WDR47: variants seen among roughly 807,000 people sequenced by gnomAD.
WDR47 encodes the protein WD repeat domain 47.
Under a neutral mutation model 97.2 loss-of-function variants are expected in WDR47, and 32 were observed. That is an observed-to-expected ratio of 0.33 (90% CI 0.25 to 0.44). WDR47 has a LOEUF of 0.44. Ranked by LOEUF, WDR47 falls within the 20% of genes least tolerant of loss-of-function variation. The pLI, the probability that WDR47 is intolerant of heterozygous loss-of-function variation, is 1.00. For synonymous variants in WDR47, 375 were observed against 373.5 expected (o/e 1.00, Z -0.05); for missense variants, 782 against 1,102.3 (o/e 0.71, Z 4.11).
At chr1:108,976,556 A>T (rs575033123) in intron 13 of WDR47, among the ~76,000 whole-genome samples, 17 of 152,202 alleles carry the variant, frequency 1.1e-4, no homozygotes, top group Non-Finnish European at 2.1e-4. Flanking sequence ...TTCTGAAAAT[A>T]AAACAGGTAT....
intron 13 of WDR47, among the ~76,000 whole-genome samples, chr1:108,977,449 C>T (rs1294697423): frequency 2.6e-5 from 4 of 152,274 alleles, no homozygotes; most frequent in East Asian, 1.9e-4. Context: ...CCACCACACC[C>T]GGCCAGGTGC....
intron 14 of WDR47, among the ~76,000 whole-genome samples, chr1:108,973,865 A>C (rs1657670475): frequency 6.9e-6 from 1 of 145,464 alleles, no homozygotes; most frequent in African/African-American, 2.6e-5. Context: ...CCTGGGTGAA[A>C]GAGTGAGACC....
intron 3 of WDR47, among the ~76,000 whole-genome samples, chr1:109,016,100 T>G (rs1661399812): frequency 1.3e-5 from 2 of 151,842 alleles, no homozygotes; most frequent in African/African-American, 4.8e-5. Context: ...CAGAAGGCTG[T>G]AGCTTGAAAA....
At chr1:109,016,325 C>A (rs982309618) in intron 3 of WDR47, among the ~76,000 whole-genome samples, 1 of 151,990 alleles carries the variant, frequency 6.6e-6, no homozygotes, top group Non-Finnish European at 1.5e-5. Context: ...ATCACTTGAG[C>A]CCAGGAGGTA....
At chr1:109,018,359 C>G (rs1345763181) in intron 2 of WDR47, among the ~76,000 whole-genome samples, 3 of 151,232 alleles carry the variant, frequency 2.0e-5, no homozygotes, top group African/African-American at 7.3e-5. Context: ...AAGCTTGAAC[C>G]TGGGCGGCAG....
Position 109,011,464 on chromosome 1 carries a change from T to C in WDR47, c.582A>G (p.Leu194=). 6.2e-7 allele frequency: 1 copy of C among 1,614,184 alleles called. No homozygotes were observed. Among genetic ancestry groups the C allele is most frequent in the African/African-American group, 1.3e-5 (1 of 75,042 alleles). Residue 194 remains leucine (L), a synonymous_variant, in exon 5 of 15, where the codon TTA becomes TTG. Transcript: ENST00000369962. ...GCAGGCCTTTCATTACAAGCTGAAA[T>C]AAACGATTGTTACTAGCCTTAAAAC... is the stretch of plus-strand genomic sequence containing the variant. The part of the protein sequence containing the change: ...EAGFKASNNR[L]FQLVMKGLLY...
intron 1 of WDR47, among the ~76,000 whole-genome samples, chr1:109,023,781 GA>G (rs1336542828): frequency 1.3e-5 from 2 of 152,100 alleles, no homozygotes; most frequent in African/African-American, 4.8e-5. Flanking sequence ...TGATTTACAT[GA>G]AAATAATAGA....
chr1:108,971,680 C>T, intron 14 of WDR47, 108 bp from the exon 15 acceptor site: 1 of 1,201,178 alleles, frequency 8.3e-7, no homozygotes, highest in East Asian at 2.5e-5. Context: ...TCTTAAACTA[C>T]ATTAATATAA....
Position 108,998,589 on chromosome 1 carries a change from G to A in WDR47, c.1434-2752C>T, listed in dbSNP as rs140562320. 2.4e-3 allele frequency among the ~76,000 whole-genome samples: 365 copies of A among 152,170 alleles called. 3 individuals carry two copies. Among genetic ancestry groups the A allele is most frequent in the African/African-American group, 8.3e-3 (344 of 41,528 alleles). On this transcript the variant is annotated intron_variant, in intron 7 of 14. Transcript: ENST00000369962. ...AAGAGGCTGAATACGCCTATTAATT[G>A]TCAAATCAATGGTGCCAATTATTAG...
rs993849037 is a variant in WDR47 at position 109,011,781 on chromosome 1, C to T, written c.328-63G>A. ...AAAAACATGCTATGAAATATGAAAA[C>T]GACAAGAGTACAAAGAATAAATTAT... On this transcript the variant is annotated intron_variant, in intron 4 of 14. Coordinates refer to ENST00000369962, the MANE Select transcript of WDR47 (RefSeq NM_001142551.2). 190 of 1,427,134 alleles carry T rather than the reference C, an allele frequency of 1.3e-4. No homozygotes were observed. In the South Asian group the frequency reaches 1.4e-3, roughly 11 times the overall value. The allele number at this position is 1,427,134 out of a possible 1,614,324, so 88.4% of individuals were successfully genotyped here.
chr1:108,993,325 CA>C (rs35638565), intron 8 of WDR47, among the ~76,000 whole-genome samples: 497 of 123,398 alleles, frequency 4.0e-3, no homozygotes, highest in African/African-American at 8.8e-3. Flanking sequence ...GACACTGTCT[CA>C]AAAAAAAAAA....
In WDR47 at chr1:108,974,652, A is replaced by T; in HGVS notation, c.2501T>A (p.Met834Lys). ...GGAATGAGGATGATAACTTTGTACC[A>T]TTCTTCCTCCTCTTATGTCATACAA... ...CMLYDIRGGRMVQSYHPHSSD... is the reference protein window; with the variant it reads ...CMLYDIRGGRKVQSYHPHSSD... Residue 834 changes from methionine (M) to lysine (K), a missense_variant, in exon 14 of 15, where the codon ATG (methionine) becomes AAG (lysine). By Grantham distance (95) the Met-to-Lys change is moderately conservative. Transcript: ENST00000369962. 6.2e-7 allele frequency: 1 copy of T among 1,614,112 alleles called. No individual in the cohort carries two copies. Among genetic ancestry groups the T allele is most frequent in the Non-Finnish European group, 8.5e-7 (1 of 1,180,004 alleles).
intron 1 of WDR47, among the ~76,000 whole-genome samples, chr1:109,025,387 T>TA (rs1351971820): frequency 7.3e-6 from 1 of 137,108 alleles, no homozygotes; most frequent in Non-Finnish European, 1.5e-5. Context: ...GCGGTGATCA[T>TA]ACCACTGCAC....
At chr1:108,975,307 T>C (rs568875257) in intron 13 of WDR47, among the ~76,000 whole-genome samples, 23 of 151,536 alleles carry the variant, frequency 1.5e-4, no homozygotes, top group Non-Finnish European at 2.5e-4. Context: ...TATAAATTAT[T>C]ATAATTAATA....
chr1:109,030,126 A>C (rs1243232269), intron 1 of WDR47: 1 of 1,188,710 alleles, frequency 8.4e-7, no homozygotes, highest in East Asian at 2.5e-5. Context: ...GAAACACAAG[A>C]AGAAACGCCT....
intron 13 of WDR47, 37 bp from the exon 14 acceptor site, chr1:108,974,791 T>A: frequency 6.7e-7 from 1 of 1,498,518 alleles, no homozygotes; most frequent in Non-Finnish European, 9.1e-7. Flanking sequence ...ATACAGAAAA[T>A]CAATATACCC....
rs112161424 is a variant in WDR47, at chr1:109,029,671, CTAAATAAATAAA to C, written c.-9-6162_-9-6151del. 2.5e-3 allele frequency among the ~76,000 whole-genome samples: 348 copies of C among 140,664 alleles called. 2 individuals carry two copies. Among genetic ancestry groups the C allele is most frequent in the African/African-American group, 5.3e-3 (200 of 37,546 alleles). The allele number at this position is 140,664 out of a possible 152,430, so 92.3% of individuals were successfully genotyped here. A position where few individuals can be genotyped will look rare whatever the true frequency, so the allele number is the denominator to read the frequency against. ...TGGGTGACAGAGCGAGACTCTGTCT[CTAAATAAATAAA>C]TAAATAAATAAATAAATAAATAAAT... On this transcript the variant is annotated intron_variant, in intron 1 of 14. Transcript: ENST00000369962.
chr1:108,978,739 G>A (rs1658119574), intron 13 of WDR47, among the ~76,000 whole-genome samples: 1 of 152,144 alleles, frequency 6.6e-6, no homozygotes, highest in African/African-American at 2.4e-5. Context: ...AAGCCCAAAA[G>A]AAAAGTGGAA....
chr1:109,035,600 T>C (rs1249495033), intron 1 of WDR47, among the ~76,000 whole-genome samples: 1 of 151,296 alleles, frequency 6.6e-6, no homozygotes, highest in African/African-American at 2.4e-5. Context: ...TGGGCTCTAG[T>C]GATTCTCCTG....
Sources: gnomAD v4.1 joint callset for allele counts (sites outside exome capture counted in the v4.1 genomes callset) on GRCh38, gnomAD v4.1.1 for gene constraint, MANE v1.5 for transcripts, NCBI Gene and HGNC (gene_info 2026-07-23, HGNC 2026-07-21) for gene names.